ZNF804B: variants seen among roughly 807,000 people sequenced by gnomAD.
ZNF804B encodes the protein zinc finger 804B.
In ZNF804B, 80 loss-of-function variants were observed where a neutral mutation model predicts 101.4. The ratio of observed to expected loss-of-function variants is 0.79; its 90% CI spans 0.66 to 0.95. ZNF804B has a LOEUF of 0.95. ZNF804B is among the 40% of genes least tolerant of loss of function. ZNF804B has a pLI of 0.00. For missense variants in ZNF804B, 1,673 were observed against 1,561.9 expected (o/e 1.07, Z -1.20); for synonymous variants, 622 against 558.8 (o/e 1.11, Z -1.59).
intron 1 of ZNF804B, among the ~76,000 whole-genome samples, chr7:89,171,311 TTC>T (rs1562904425): frequency 8.5e-6 from 1 of 117,614 alleles, no homozygotes; most frequent in East Asian, 2.1e-4. Context: ...CTTCTTCTTC[TTC>T]TTCTTCTTCT....
chr7:89,307,106 A>T (rs1468012415), intron 2 of ZNF804B, among the ~76,000 whole-genome samples: 1 of 152,010 alleles, frequency 6.6e-6, no homozygotes, highest in Non-Finnish European at 1.5e-5. Context: ...GTTTAATGAG[A>T]GAAAAACATG....
chr7:88,788,941 A>C lies in ZNF804B; in HGVS notation c.108+28857A>C, dbSNP rs1790341206. Among the ~76,000 whole-genome samples the C allele has an allele frequency of 2.0e-5, 3 of 152,184 alleles. No homozygotes were observed. In the South Asian group the frequency reaches 6.2e-4, roughly 31 times the overall value. On this transcript the variant is annotated intron_variant, in intron 1 of 3. Coordinates refer to ENST00000333190, the MANE Select transcript of ZNF804B (RefSeq NM_181646.5). ...CTATAAATATTCACATTCAGTTAAA[A>C]ATGGTTTCTTTTTCATTTGAAATTT...
chr7:89,037,967 T>C (rs1788954483), intron 1 of ZNF804B, among the ~76,000 whole-genome samples: 1 of 152,190 alleles, frequency 6.6e-6, no homozygotes, highest in African/African-American at 2.4e-5. Flanking sequence ...TCATTCATGT[T>C]GTCTCAAATG....
chr7:88,912,127 T>C (rs1487350143), intron 1 of ZNF804B, among the ~76,000 whole-genome samples: 2 of 152,014 alleles, frequency 1.3e-5, no homozygotes. Context: ...TGTACTATTT[T>C]GCACTCTCAT....
At position 89,017,221 on chromosome 7, in the gene ZNF804B, G is replaced by T. The variant is rs541962785; in HGVS notation, c.109-200934G>T. On this transcript the variant is annotated intron_variant, in intron 1 of 3. Transcript: ENST00000333190. ...GACTTTGCTGAAGTTGCTTATCAGC[G>T]TAAGGAGATTTTGGGCTGAGACAAT... Among the ~76,000 whole-genome samples the T allele has an allele frequency of 2.2e-3, 331 of 152,258 alleles. 2 individuals carry two copies. The highest frequency in any genetic ancestry group is 6.7e-3 in the African/African-American group (277 of 41,546).
intron 1 of ZNF804B, among the ~76,000 whole-genome samples, chr7:88,889,457 C>T (rs1368866860): frequency 6.6e-6 from 1 of 152,110 alleles, no homozygotes; most frequent in Non-Finnish European, 1.5e-5. Flanking sequence ...TATTTTTTGA[C>T]TTTTTAATAA....
At chr7:89,190,016 G>C (rs189299649) in intron 1 of ZNF804B, among the ~76,000 whole-genome samples, 1 of 152,044 alleles carries the variant, frequency 6.6e-6, no homozygotes, top group Admixed American at 6.6e-5. Context: ...CATAGAAAGA[G>C]GTTGAAATAT....
Position 89,035,599 on chromosome 7 carries a change from G to A in ZNF804B, c.109-182556G>A, listed in dbSNP as rs528287065. On this transcript the variant is annotated intron_variant, in intron 1 of 3. Transcript: ENST00000333190. ...TGAAGACTTTAAGTGACAGCGTGACGAACTTTTGATCAGTGTTTCTTATCA... is the reference window on the plus strand; with the variant it reads ...TGAAGACTTTAAGTGACAGCGTGACAAACTTTTGATCAGTGTTTCTTATCA... Among the ~76,000 whole-genome samples, 39 of 151,932 alleles carry A rather than the reference G, an allele frequency of 2.6e-4. No individual in the cohort carries two copies. The South Asian group carries it at 5.4e-3, about 21-fold the overall frequency.
intron 1 of ZNF804B, among the ~76,000 whole-genome samples, chr7:88,921,366 G>A (rs1792716388): frequency 6.6e-6 from 1 of 152,084 alleles, no homozygotes; most frequent in African/African-American, 2.4e-5. Context: ...AGCTCCCGAG[G>A]TCCGTCCTTT....
At chr7:88,848,764 A>G (rs1791411307) in intron 1 of ZNF804B, among the ~76,000 whole-genome samples, 1 of 152,096 alleles carries the variant, frequency 6.6e-6, no homozygotes, top group Non-Finnish European at 1.5e-5. Context: ...TTATGTCATA[A>G]AAATGGTGAC....
chr7:89,123,386 G>A (rs528311234), intron 1 of ZNF804B, among the ~76,000 whole-genome samples: 43 of 152,224 alleles, frequency 2.8e-4, no homozygotes, highest in African/African-American at 9.4e-4. Flanking sequence ...TTGTGAAGAT[G>A]CACCTCCTCC....
intron 1 of ZNF804B, among the ~76,000 whole-genome samples, chr7:88,770,657 G>A (rs1790048845): frequency 6.6e-6 from 1 of 152,104 alleles, no homozygotes; most frequent in African/African-American, 2.4e-5. Flanking sequence ...TTCTTCTCCT[G>A]TGAGATGAGT....
chr7:89,208,406 T>C (rs1788750039), intron 1 of ZNF804B, among the ~76,000 whole-genome samples: 2 of 152,184 alleles, frequency 1.3e-5, no homozygotes, highest in Admixed American at 1.3e-4. Context: ...GTTAAGCAAC[T>C]CTGCAAAACA....
intron 1 of ZNF804B, among the ~76,000 whole-genome samples, chr7:89,127,113 C>G (rs1405043017): frequency 6.6e-6 from 1 of 151,926 alleles, no homozygotes; most frequent in African/African-American, 2.4e-5. Context: ...GACAAACATC[C>G]TCTGGCTCAA....
rs1479089013 is a variant in ZNF804B, at chr7:89,338,256, C to T, written c.*1224C>T. Among the ~76,000 whole-genome samples, 2 of 152,010 alleles carry T rather than the reference C, an allele frequency of 1.3e-5. No individual in the cohort carries two copies. Among genetic ancestry groups the T allele is most frequent in the African/African-American group, 4.8e-5 (2 of 41,430 alleles). On this transcript the variant is annotated 3_prime_UTR_variant, in exon 4 of 4. Transcript: ENST00000333190. ...TGCTGTCTATACGAAGATGCAAACT[C>T]CTCTACCACTAGAAGATTAGAGGAT...
chr7:89,220,179 GTA>G (rs71102025), intron 2 of ZNF804B, among the ~76,000 whole-genome samples: 2 of 45,198 alleles, frequency 4.4e-5, no homozygotes, highest in East Asian at 3.2e-4. Flanking sequence ...ATATATGTGT[GTA>G]TATATATATA....
At chr7:88,839,574 G>T (rs918842758) in intron 1 of ZNF804B, among the ~76,000 whole-genome samples, 3 of 151,888 alleles carry the variant, frequency 2.0e-5, no homozygotes, top group African/African-American at 7.3e-5. Flanking sequence ...GAAATAATTA[G>T]ATTGAAATTG....
chr7:89,059,690 G>T (rs1268298051), intron 1 of ZNF804B, among the ~76,000 whole-genome samples: 1 of 152,132 alleles, frequency 6.6e-6, no homozygotes, highest in Non-Finnish European at 1.5e-5. Flanking sequence ...ATAGTTTAAA[G>T]ACATATGTAT....
intron 1 of ZNF804B, among the ~76,000 whole-genome samples, chr7:88,966,978 C>G (rs907253468): frequency 7.2e-6 from 1 of 137,964 alleles, no homozygotes. Context: ...TTTTTTTTTT[C>G]AAGTGTAATA....
Sources: allele counts gnomAD v4.1 joint callset (sites outside exome capture counted in the v4.1 genomes callset), GRCh38; gene constraint gnomAD v4.1.1; transcripts MANE v1.5; gene names NCBI Gene and HGNC (gene_info 2026-07-23, HGNC 2026-07-21).